Variants in AGBL1 observed in about 807,000 individuals in gnomAD.
AGBL1 encodes the protein cytosolic carboxypeptidase 4.
In AGBL1, 130 loss-of-function variants were observed where a neutral mutation model predicts 118.9. The observed-to-expected ratio is 1.09, with a 90% CI of 0.95 to 1.26. The LOEUF is 1.26. Ranked by LOEUF, AGBL1 falls within the 50% of genes most tolerant of loss-of-function variation. AGBL1 has a pLI of 0.00. For synonymous variants in AGBL1, 555 were observed against 478.9 expected (o/e 1.16, Z -2.08); for missense variants, 1,584 against 1,298.1 (o/e 1.22, Z -3.38).
At chr15:86,689,705 T>A (rs930716231) in intron 22 of AGBL1, among the ~76,000 whole-genome samples, 2 of 152,116 alleles carry the variant, frequency 1.3e-5, no homozygotes, top group African/African-American at 4.8e-5. Flanking sequence ...TAAAAAAAAT[T>A]AGCTGTAACT....
In AGBL1 at chr15:86,979,503, G is replaced by A. The variant is rs557312248; in HGVS notation, c.3222-8484G>A. Among the ~76,000 whole-genome samples, 9 of 151,662 alleles carry A rather than the reference G, an allele frequency of 5.9e-5. No homozygotes were observed. In the South Asian group the frequency reaches 6.2e-4, roughly 11 times the overall value. On this transcript the variant is annotated intron_variant, in intron 23 of 24. Transcript: ENST00000441037. ...TTTTTTTCTTTCTTTTTTTTGGCGG[G>A]GGGGAGATGGTGTCTCCCTCTGTTG...
At chr15:86,258,258 G>T (rs2078928970) in intron 9 of AGBL1, among the ~76,000 whole-genome samples, 1 of 152,120 alleles carries the variant, frequency 6.6e-6, no homozygotes, top group African/African-American at 2.4e-5. Context: ...AAAGTCAGAG[G>T]CTATCCTATA....
rs1035500456 is a variant in AGBL1 at position 86,905,366 on chromosome 15, C to T, written c.3159-1721C>T. On this transcript the variant is annotated intron_variant, in intron 22 of 22. Coordinates refer to ENST00000614907, the MANE Select transcript of AGBL1 (RefSeq NM_001386094.1). Reference sequence around the variant, plus strand: ...CACATTGCACTAATAGGCAAGGGAGCATCATTGCAAGTTCCACAAAAGTGG... The same window carrying T: ...CACATTGCACTAATAGGCAAGGGAGTATCATTGCAAGTTCCACAAAAGTGG... Among the ~76,000 whole-genome samples the T allele has an allele frequency of 1.1e-4, 16 of 152,288 alleles. 1 individual carries two copies. The highest frequency in any genetic ancestry group is 3.4e-4 in the African/African-American group (14 of 41,544).
chr15:86,916,225 A>T (rs1205804790), downstream of AGBL1: 1 of 152,178 alleles, frequency 6.6e-6, no homozygotes, highest in Non-Finnish European at 1.5e-5. Flanking sequence ...AGTCAAAGAG[A>T]CCATTGTCCT....
chr15:86,315,894 A>G lies in AGBL1; in HGVS notation c.2374+20486A>G, dbSNP rs548345283. Among the ~76,000 whole-genome samples the G allele has an allele frequency of 7.9e-5, 12 of 152,280 alleles. No individual in the cohort carries two copies. The South Asian group carries it at 2.3e-3, about 29-fold the overall frequency. Reference sequence around the variant, plus strand: ...TATAGCCTTTCCCATCTGTAGTTTCAGAAAATACCAGAGGGGAGGAAATAG... The same window carrying G: ...TATAGCCTTTCCCATCTGTAGTTTCGGAAAATACCAGAGGGGAGGAAATAG... On this transcript the variant is annotated intron_variant, in intron 17 of 22. Coordinates refer to ENST00000614907, the MANE Select transcript of AGBL1 (RefSeq NM_001386094.1).
intron 17 of AGBL1, among the ~76,000 whole-genome samples, chr15:86,335,111 G>A (rs900773258): frequency 6.6e-6 from 1 of 151,766 alleles, no homozygotes; most frequent in Non-Finnish European, 1.5e-5. Context: ...ACAGAAGAAA[G>A]ACTGAGAGAC....
intron 5 of AGBL1, among the ~76,000 whole-genome samples, chr15:86,187,104 G>A (rs1245243780): frequency 1.3e-5 from 2 of 152,172 alleles, no homozygotes; most frequent in Non-Finnish European, 2.9e-5. Context: ...AAACTATGCT[G>A]CAAACGCACA....
At chr15:86,290,504 C>T (rs1399758674) in intron 16 of AGBL1, among the ~76,000 whole-genome samples, 1 of 151,328 alleles carries the variant, frequency 6.6e-6, no homozygotes. Flanking sequence ...GTGTGCACCA[C>T]CATGCCCAGC....
At position 86,825,805 on chromosome 15, in the gene AGBL1, T is replaced by C. The variant is rs184897457; in HGVS notation, c.3159-81282T>C. On this transcript the variant is annotated intron_variant, in intron 22 of 22. Coordinates refer to ENST00000614907, the MANE Select transcript of AGBL1 (RefSeq NM_001386094.1). ...GAATGGCTACTTTTTTTTTAAGTGATAGCACTAAATATTGATGAGAATGTA... is the reference window on the plus strand; with the variant it reads ...GAATGGCTACTTTTTTTTTAAGTGACAGCACTAAATATTGATGAGAATGTA... 4.0e-4 allele frequency among the ~76,000 whole-genome samples: 60 copies of C among 151,030 alleles called. 1 individual carries two copies. Among genetic ancestry groups the C allele is most frequent in the African/African-American group, 1.2e-3 (51 of 41,108 alleles).
At chr15:86,999,686 C>T (rs62034345) in intron 24 of AGBL1, among the ~76,000 whole-genome samples, 127,170 of 150,414 alleles carry the variant, frequency 0.85, 54,601 homozygotes, top group South Asian at 0.98. Context: ...ACAATAAACA[C>T]ACGGGTGCAT....
At chr15:86,596,362 A>T (rs1352851357) in intron 21 of AGBL1, among the ~76,000 whole-genome samples, 3 of 152,000 alleles carry the variant, frequency 2.0e-5, no homozygotes, top group Non-Finnish European at 2.9e-5. Flanking sequence ...TCTGTTCCTC[A>T]CTGGGGGTTG....
At chr15:86,109,548 T>C (rs1897241056) in intron 1 of AGBL1, among the ~76,000 whole-genome samples, 1 of 152,258 alleles carries the variant, frequency 6.6e-6, no homozygotes, top group African/African-American at 2.4e-5. Context: ...TTCTGTAGCA[T>C]GGTTGATCAA....
chr15:86,393,869 T>G (rs959144284), intron 17 of AGBL1, among the ~76,000 whole-genome samples: 73 of 152,104 alleles, frequency 4.8e-4, no homozygotes, highest in African/African-American at 1.7e-3. Flanking sequence ...AGTGCCCTCA[T>G]AAATGGGATT....
intron 1 of AGBL1, chr15:86,140,271 C>T (rs1355106772): frequency 2.7e-5 from 4 of 149,462 alleles, no homozygotes; most frequent in Non-Finnish European, 5.9e-5. Context: ...TTTAATGCCC[C>T]TTAAATTTTG....
intron 3 of AGBL1, among the ~76,000 whole-genome samples, chr15:86,153,632 C>T (rs1273825811): frequency 6.6e-6 from 1 of 152,180 alleles, no homozygotes; most frequent in East Asian, 1.9e-4. Context: ...ACGTTGTGCA[C>T]ATGTCCCCTA....
intron 21 of AGBL1, among the ~76,000 whole-genome samples, chr15:86,652,721 C>G (rs535724110): frequency 6.6e-6 from 1 of 152,144 alleles, no homozygotes. Context: ...GAAGTTTTCT[C>G]TTTGAAATTT....
At chr15:86,655,135 T>C (rs921063034) in intron 21 of AGBL1, among the ~76,000 whole-genome samples, 3 of 152,284 alleles carry the variant, frequency 2.0e-5, no homozygotes, top group African/African-American at 7.2e-5. Context: ...GGGACAATTC[T>C]GGGGCTGATT....
At chr15:86,971,998 T>C (rs1039295650) in intron 23 of AGBL1, among the ~76,000 whole-genome samples, 3 of 152,040 alleles carry the variant, frequency 2.0e-5, no homozygotes, top group Non-Finnish European at 4.4e-5. Flanking sequence ...CCTTCTGCCA[T>C]GATTCTAAGT....
chr15:86,580,075 T>C (rs1205918419), intron 21 of AGBL1, among the ~76,000 whole-genome samples: 1 of 152,192 alleles, frequency 6.6e-6, no homozygotes, highest in Non-Finnish European at 1.5e-5. Context: ...CATGGCCAAT[T>C]TCTTCTGTGA....
Sources: allele counts gnomAD v4.1 joint callset (sites outside exome capture counted in the v4.1 genomes callset), GRCh38; gene constraint gnomAD v4.1.1; transcripts MANE v1.5; gene names NCBI Gene and HGNC (gene_info 2026-07-23, HGNC 2026-07-21).